The following ASPH variants were observed in gnomAD, a reference collection of about 807,000 sequenced individuals.
ASPH encodes aspartate beta-hydroxylase, also known as aspartyl/asparaginyl beta-hydroxylase.
A neutral mutation model predicts 118.4 loss-of-function variants in ASPH; 100 were observed. That is an observed-to-expected ratio of 0.84 (90% CI 0.72 to 1.00). The LOEUF (loss-of-function observed/expected upper bound fraction) is 1.00, where lower values mean the gene tolerates loss of function less well. Among genes scored for constraint, ASPH ranks in the 50% least tolerant of loss-of-function variants. The pLI, the probability that ASPH is intolerant of heterozygous loss-of-function variation, is 0.00. For missense variants in ASPH, 920 were observed against 919.5 expected (o/e 1.00, Z -0.01); for synonymous variants, 315 against 325.6 (o/e 0.97, Z 0.35).
intron 1 of ASPH, among the ~76,000 whole-genome samples, chr8:61,709,206 A>G (rs1837474543): frequency 6.6e-6 from 1 of 152,158 alleles, no homozygotes. Flanking sequence ...CATCCCTGAA[A>G]AACAAAGATC....
At chr8:61,703,601 A>C (rs549706282) in intron 1 of ASPH, among the ~76,000 whole-genome samples, 1 of 152,356 alleles carries the variant, frequency 6.6e-6, no homozygotes, top group Admixed American at 6.5e-5. Flanking sequence ...ATCTACAAAA[A>C]AAAAGGCAGA....
chr8:61,581,723 A>G (rs963643446), intron 15 of ASPH, among the ~76,000 whole-genome samples: 6 of 152,178 alleles, frequency 3.9e-5, no homozygotes, highest in African/African-American at 1.4e-4. Flanking sequence ...ACTTTCAGGT[A>G]TTTGATTACA....
Position 61,690,970 on chromosome 8 carries a change from TATTAA to T in ASPH, c.104-6787_104-6783del, listed in dbSNP as rs761103054. Among the ~76,000 whole-genome samples, 9 of 152,326 alleles carry T rather than the reference TATTAA, an allele frequency of 5.9e-5. No individual in the cohort carries two copies. The South Asian group carries it at 6.2e-4, about 11-fold the overall frequency. On this transcript the variant is annotated intron_variant, in intron 1 of 24. Transcript: ENST00000379454. The stretch of plus-strand genomic sequence containing the variant: ...ATTCAAAGCTAAATGTTAACTACAA[TATTAA>T]ATTATTAGCAATATTTTATCTATCC...
At chr8:61,712,112 G>C (rs1351216922) in intron 1 of ASPH, among the ~76,000 whole-genome samples, 1 of 152,044 alleles carries the variant, frequency 6.6e-6, no homozygotes, top group East Asian at 1.9e-4. Context: ...CAATGAACTC[G>C]GCAACTTCTC....
At chr8:61,557,702 G>GCATAA (rs1381393151) in intron 18 of ASPH, among the ~76,000 whole-genome samples, 1 of 152,202 alleles carries the variant, frequency 6.6e-6, no homozygotes. Context: ...GCATAGCATA[G>GCATAA]CATTCAGGTG....
chr8:61,576,000 G>A (rs1835016496), intron 16 of ASPH, among the ~76,000 whole-genome samples: 1 of 152,100 alleles, frequency 6.6e-6, no homozygotes, highest in African/African-American at 2.4e-5. Context: ...AAAGGCTATG[G>A]CCAAACCTTC....
intron 12 of ASPH, among the ~76,000 whole-genome samples, chr8:61,637,074 A>G (rs2150863096): frequency 1.3e-5 from 2 of 151,360 alleles, no homozygotes; most frequent in Admixed American, 1.3e-4. Context: ...GCTCAAAAGC[A>G]GTAACATTTA....
intron 13 of ASPH, among the ~76,000 whole-genome samples, chr8:61,627,705 TATTTATAAAA>T (rs1853570321): frequency 6.6e-6 from 1 of 152,120 alleles, no homozygotes; most frequent in Non-Finnish European, 1.5e-5. Context: ...TAACAATGAG[TATTTATAAAA>T]AGGCAAATAA....
chr8:61,527,332 C>T (rs1815769604), intron 21 of ASPH, among the ~76,000 whole-genome samples: 1 of 152,148 alleles, frequency 6.6e-6, no homozygotes, highest in Non-Finnish European at 1.5e-5. Flanking sequence ...TTACCAAGTC[C>T]TGCTTTATAA....
intron 24 of ASPH, among the ~76,000 whole-genome samples, chr8:61,507,070 A>G (rs1302132430): frequency 6.6e-6 from 1 of 152,228 alleles, no homozygotes; most frequent in African/African-American, 2.4e-5. Context: ...TATGATACGT[A>G]TAACAAAGCC....
intron 9 of ASPH, 73 bp downstream of exon 9, chr8:61,643,310 TCAC>T: frequency 7.0e-7 from 1 of 1,423,988 alleles, no homozygotes; most frequent in South Asian, 1.3e-5. Context: ...AAAAGAAAAA[TCAC>T]CATGTAAACA....
chr8:61,626,754 T>C lies in ASPH; in HGVS notation c.934+6929A>G, dbSNP rs535005620. ...AAAATTAAAAATTAAAATATATTGC[T>C]TTGAAAATTAAAATAACATAAATGG... On this transcript the variant is annotated intron_variant, in intron 13 of 24. Coordinates refer to ENST00000379454, the MANE Select transcript of ASPH (RefSeq NM_004318.4). 5.9e-5 allele frequency among the ~76,000 whole-genome samples: 9 copies of C among 151,628 alleles called. No homozygotes were observed. In the South Asian group the frequency reaches 1.9e-3, roughly 32 times the overall value.
chr8:61,592,153 A>T (rs1841326442), intron 14 of ASPH, among the ~76,000 whole-genome samples: 1 of 152,150 alleles, frequency 6.6e-6, no homozygotes, highest in Non-Finnish European at 1.5e-5. Context: ...TCATCCACGA[A>T]ATGGGGATAA....
chr8:61,593,631 C>T (rs1381487685), intron 14 of ASPH, among the ~76,000 whole-genome samples: 1 of 152,182 alleles, frequency 6.6e-6, no homozygotes, highest in Non-Finnish European at 1.5e-5. Flanking sequence ...CAGTTTATTA[C>T]ATGTAGTTGG....
intron 21 of ASPH, among the ~76,000 whole-genome samples, chr8:61,532,268 A>G (rs140804681): frequency 6.6e-6 from 1 of 152,062 alleles, no homozygotes; most frequent in Admixed American, 6.5e-5. Context: ...TTTGATTCGC[A>G]TTTCTCTGAT....
chr8:61,515,059 G>A (rs540246785), intron 24 of ASPH, among the ~76,000 whole-genome samples: 1 of 144,220 alleles, frequency 6.9e-6, no homozygotes, highest in African/African-American at 2.5e-5. Flanking sequence ...GGGAGGGAGG[G>A]AGAGAGAAAA....
chr8:61,695,289 T>C (rs753428348), intron 1 of ASPH, among the ~76,000 whole-genome samples: 5 of 152,324 alleles, frequency 3.3e-5, no homozygotes, highest in Non-Finnish European at 7.3e-5. Flanking sequence ...TAAAAATCCT[T>C]TAATGTCTTA....
At position 61,502,122 on chromosome 8, in the gene ASPH, T is replaced by C. The variant is rs1332420735; in HGVS notation, c.*1237A>G. 6.6e-6 allele frequency: 1 copy of C among 152,214 alleles called. No homozygotes were observed. The highest frequency in any genetic ancestry group is 2.1e-4 in the South Asian group (1 of 4,830). 9.4% of individuals were successfully genotyped at this position (152,214 alleles called of 1,614,324 possible). ...GAGTAGGCAAGACGATTTTTACCTA[T>C]TATTTCTATGTTGTGGGTAATGTTA... On this transcript the variant is annotated 3_prime_UTR_variant, in exon 25 of 25. Coordinates refer to ENST00000379454, the MANE Select transcript of ASPH (RefSeq NM_004318.4).
chr8:61,704,815 G>A (rs971065694), intron 1 of ASPH, among the ~76,000 whole-genome samples: 16 of 152,216 alleles, frequency 1.1e-4, no homozygotes, highest in Admixed American at 7.9e-4. Context: ...TAAAAAGACT[G>A]ACACCACCAA....
Sources: gnomAD v4.1 joint callset for allele counts (sites outside exome capture counted in the v4.1 genomes callset) on GRCh38, gnomAD v4.1.1 for gene constraint, MANE v1.5 for transcripts, NCBI Gene and HGNC (gene_info 2026-07-23, HGNC 2026-07-21) for gene names.